CRISPLD1: variants seen among roughly 807,000 people sequenced by gnomAD.
CRISPLD1 encodes cysteine rich secretory protein LCCL domain containing 1.
In CRISPLD1, 60 loss-of-function variants were observed where a neutral mutation model predicts 77.5. The ratio of observed to expected loss-of-function variants is 0.77; its 90% CI spans 0.63 to 0.96. CRISPLD1 has a LOEUF of 0.96. CRISPLD1 is among the 40% of genes least tolerant of loss of function. The pLI is 0.00. For missense variants in CRISPLD1, 623 were observed against 615.8 expected, an observed-to-expected ratio of 1.01 and a Z score of -0.12; for synonymous variants, 195 against 200.1, an observed-to-expected ratio of 0.97 and a Z score of 0.22.
intron 2 of CRISPLD1, among the ~76,000 whole-genome samples, chr8:74,989,503 A>G (rs1812541874): frequency 6.6e-6 from 1 of 151,958 alleles, no homozygotes; most frequent in Non-Finnish European, 1.5e-5. Flanking sequence ...GGCAAAATGA[A>G]AGAATATAAA....
At chr8:74,991,009 T>C (rs536182384) in intron 2 of CRISPLD1, among the ~76,000 whole-genome samples, 3 of 152,058 alleles carry the variant, frequency 2.0e-5, no homozygotes, top group East Asian at 3.9e-4. Flanking sequence ...TTTTTTTTTT[T>C]CGAGATGGAA....
chr8:75,031,095 GCACT>G (rs1813334735), intron 14 of CRISPLD1, among the ~76,000 whole-genome samples: 1 of 151,834 alleles, frequency 6.6e-6, no homozygotes, highest in Non-Finnish European at 1.5e-5. Context: ...ATTTCCTAAG[GCACT>G]CAGTCAGTTT....
Position 75,034,019 on chromosome 8 carries a change from GTTTAGATC to G in CRISPLD1, c.*1779_*1786del, listed in dbSNP as rs1453914124. ...TAAGGTTTTCTTCTATTTGCCCTTA[GTTTAGATC>G]TCCATCATCAATTCCACTTACTATT... is the stretch of plus-strand genomic sequence containing the variant. On this transcript the variant is annotated 3_prime_UTR_variant, in exon 15 of 15. Transcript: ENST00000262207. The G allele has an allele frequency of 3.3e-5, 5 of 152,110 alleles. No individual in the cohort carries two copies. Among genetic ancestry groups the G allele is most frequent in the Admixed American group, 3.3e-4 (5 of 15,272 alleles). 9.4% of individuals were successfully genotyped at this position (152,110 alleles called of 1,614,324 possible).
chr8:75,002,814 A>G (rs1248885273), intron 2 of CRISPLD1, among the ~76,000 whole-genome samples: 1 of 152,208 alleles, frequency 6.6e-6, no homozygotes, highest in Non-Finnish European at 1.5e-5. Context: ...CTCGTGAGAC[A>G]TAGAACTTGG....
At chr8:75,020,209 A>G (rs1215696246) in intron 12 of CRISPLD1, 130 bp downstream of exon 12, 2 of 704,372 alleles carry the variant, frequency 2.8e-6, no homozygotes, top group Non-Finnish European at 5.0e-6. Flanking sequence ...GAAACATCAT[A>G]AACTACATGC....
chr8:75,001,271 CAT>C (rs1812736287), intron 2 of CRISPLD1, among the ~76,000 whole-genome samples: 1 of 152,138 alleles, frequency 6.6e-6, no homozygotes, highest in Admixed American at 6.5e-5. Context: ...AGTGCAAACT[CAT>C]TCTTTAATAA....
rs1372290054 is a variant in CRISPLD1, at chr8:75,012,470, G to A, written c.296G>A (p.Trp99Ter). The A allele has an allele frequency of 1.2e-6, 2 of 1,613,050 alleles. No homozygotes were observed. The highest frequency in any genetic ancestry group is 1.7e-6 in the Non-Finnish European group (2 of 1,179,256). The change falls in exon 3 of 15, where the codon TGG (tryptophan) becomes TAG (stop). Residue 99 changes from tryptophan to a stop codon, truncating the protein, a stop_gained. Transcript: ENST00000262207. LOFTEE classifies it high-confidence loss of function. Reference protein sequence around the residue: ...DVELERSAESWAESCLWEHGP... With the variant: ...DVELERSAES Reference sequence around the variant, plus strand: ...GAGCTGGAAAGATCTGCAGAATCCTGGGCTGAAAGTTGCTTGTGGGAACAT... The same window carrying A: ...GAGCTGGAAAGATCTGCAGAATCCTAGGCTGAAAGTTGCTTGTGGGAACAT...
Position 75,016,578 on chromosome 8 carries a change from G to T in CRISPLD1, c.741G>T (p.Arg247Ser). 6.2e-7 allele frequency: 1 copy of T among 1,612,150 alleles called. No homozygotes were observed. The highest frequency in any genetic ancestry group is 8.5e-7 in the Non-Finnish European group (1 of 1,178,924). Residue 247 changes from arginine (R) to serine (S), a missense_variant, in exon 7 of 15, where the codon AGG becomes AGT. By Grantham distance (110) the Arg-to-Ser change is moderately radical. Transcript: ENST00000262207. The part of the protein sequence containing the change: ...ENLCYKEGSD[R>S]YYPPREEETN... ...TTTCTCTAACAGAAGGGTCAGACAG[G>T]TATTATCCCCCTCGAGAAGAGGAAA... is the stretch of plus-strand genomic sequence containing the variant.
chr8:75,010,498 C>G (rs1812910424), intron 2 of CRISPLD1, among the ~76,000 whole-genome samples: 1 of 152,112 alleles, frequency 6.6e-6, no homozygotes, highest in Non-Finnish European at 1.5e-5. Context: ...CATTTGTTTT[C>G]TGTACTTCTT....
rs376078635 is a variant in CRISPLD1, at chr8:74,986,097, A to C, written c.110A>C (p.Glu37Ala). The change falls in exon 2 of 15, where the codon GAA becomes GCA. Residue 37 changes from glutamate to alanine, a missense_variant. Glu to Ala is a moderately radical substitution (Grantham distance 107, BLOSUM62 -1). Coordinates refer to ENST00000262207, the MANE Select transcript of CRISPLD1 (RefSeq NM_031461.6). ...PNATLLEKLLEKYMDEDGEWW... is the reference protein window; with the variant it reads ...PNATLLEKLLAKYMDEDGEWW... ...GCCACTTTATTGGAGAAACTTTTGG[A>C]AAAATACATGGATGAGGATGGTGAG... The C allele has an allele frequency of 2.5e-6, 4 of 1,614,036 alleles. No homozygotes were observed. The African/African-American group carries it at 4.0e-5, about 16-fold the overall frequency.
chr8:74,988,811 G>A (rs1328502797), intron 2 of CRISPLD1, among the ~76,000 whole-genome samples: 1 of 152,138 alleles, frequency 6.6e-6, no homozygotes, highest in Non-Finnish European at 1.5e-5. Context: ...CTCCACCCTG[G>A]GTGACAGCGA....
intron 8 of CRISPLD1, 32 bp downstream of exon 8, chr8:75,016,973 GAATAT>G: frequency 6.6e-7 from 1 of 1,509,118 alleles, no homozygotes. Context: ...AAAATTAATT[GAATAT>G]AATAAATATT....
intron 2 of CRISPLD1, among the ~76,000 whole-genome samples, chr8:74,997,498 G>A (rs1563608645): frequency 6.6e-6 from 1 of 152,152 alleles, no homozygotes; most frequent in Non-Finnish European, 1.5e-5. Context: ...CCTTAGTTAT[G>A]TTTAGTGGTC....
At position 75,003,780 on chromosome 8, in the gene CRISPLD1, A is replaced by G. The variant is rs1587010914; in HGVS notation, c.259-8653A>G. ...GGTATGGCCAAACTTGGGGCAGGGG[A>G]CCTTGACACTGAGATGAGATGAGCT... On this transcript the variant is annotated intron_variant, in intron 2 of 14. Transcript: ENST00000262207. Among the ~76,000 whole-genome samples, 3 of 152,252 alleles carry G rather than the reference A, an allele frequency of 2.0e-5. No homozygotes were observed. The East Asian group carries it at 5.8e-4, about 29-fold the overall frequency.
chr8:75,011,179 G>C (rs1456411842), intron 2 of CRISPLD1, among the ~76,000 whole-genome samples: 1 of 150,766 alleles, frequency 6.6e-6, no homozygotes, highest in Non-Finnish European at 1.5e-5. Flanking sequence ...CAATGTGCAG[G>C]TTAGTTACAT....
intron 14 of CRISPLD1, among the ~76,000 whole-genome samples, chr8:75,030,672 G>A (rs1201156608): frequency 6.9e-6 from 1 of 145,148 alleles, no homozygotes; most frequent in East Asian, 2.0e-4. Context: ...GCCTATACCC[G>A]GAGATATATG....
chr8:74,986,648 G>A (rs1812502730), intron 2 of CRISPLD1, among the ~76,000 whole-genome samples: 1 of 152,160 alleles, frequency 6.6e-6, no homozygotes, highest in African/African-American at 2.4e-5. Flanking sequence ...TTTCTGGATT[G>A]CTGAAATATA....
intron 2 of CRISPLD1, among the ~76,000 whole-genome samples, chr8:74,990,162 A>G (rs1211902113): frequency 1.3e-5 from 2 of 152,184 alleles, no homozygotes. Flanking sequence ...TATGTAATAC[A>G]TGTAATTATG....
chr8:74,991,588 T>C (rs1812574023), intron 2 of CRISPLD1, among the ~76,000 whole-genome samples: 1 of 152,202 alleles, frequency 6.6e-6, no homozygotes, highest in South Asian at 2.1e-4. Context: ...TGGAGCGCAA[T>C]GGTACTGTCT....
Sources: gnomAD v4.1 joint callset for allele counts (sites outside exome capture counted in the v4.1 genomes callset) on GRCh38, gnomAD v4.1.1 for gene constraint, MANE v1.5 for transcripts, NCBI Gene and HGNC (gene_info 2026-07-23, HGNC 2026-07-21) for gene names.